The following BATF2 variants were observed in gnomAD, a reference collection of about 807,000 sequenced individuals.
The protein encoded by BATF2 is basic leucine zipper ATF-like transcription factor 2, also known as basic leucine zipper transcriptional factor ATF-like 2.
A neutral mutation model predicts 7.3 loss-of-function variants in BATF2; 4 were observed. The ratio of observed to expected loss-of-function variants is 0.55; its 90% CI spans 0.27 to 1.26. The LOEUF is 1.26. Among genes scored for constraint, BATF2 ranks in the 50% most tolerant of loss-of-function variants. The pLI is 0.11. For synonymous variants in BATF2, 152 were observed against 153.9 expected (o/e 0.99, Z 0.09); for missense variants, 295 against 340.5 (o/e 0.87, Z 1.05).
At chr11:64,995,997 G>A (rs762039928) in intron 1 of BATF2, among the ~76,000 whole-genome samples, 10 of 151,086 alleles carry the variant, frequency 6.6e-5, no homozygotes, top group East Asian at 1.9e-4. Context: ...AGTCTCTGTC[G>A]CCCAGGCTGG....
chr11:64,994,989 C>T (rs1353057643), intron 1 of BATF2, among the ~76,000 whole-genome samples: 1 of 152,174 alleles, frequency 6.6e-6, no homozygotes, highest in African/African-American at 2.4e-5. Flanking sequence ...GCTGGGACTA[C>T]AGGCACCTGC....
Position 64,989,276 on chromosome 11 carries a change from A to G in BATF2, c.678T>C (p.Pro226=). 1.9e-6 allele frequency: 3 copies of G among 1,603,712 alleles called. No homozygotes were observed. Among genetic ancestry groups the G allele is most frequent in the Non-Finnish European group, 2.6e-6 (3 of 1,174,240 alleles). Residue 226 remains proline, a synonymous_variant, in exon 3 of 3, where the codon CCT becomes CCC. Coordinates refer to ENST00000301887, the MANE Select transcript of BATF2 (RefSeq NM_138456.4). The surrounding 1 kb of genome is among the most constrained non-coding windows in gnomAD (Gnocchi z 4.3). ...RGKLGSSPDN[P]SSALGLARLQ... Reference sequence around the variant, plus strand: ...GACGTGCAAGCCCCAGGGCAGAGGAAGGGTTGTCGGGAGAGGACCCCAGCT... The same window carrying G: ...GACGTGCAAGCCCCAGGGCAGAGGAGGGGTTGTCGGGAGAGGACCCCAGCT...
chr11:64,993,657 T>C (rs1038885918), intron 2 of BATF2, among the ~76,000 whole-genome samples: 1 of 152,184 alleles, frequency 6.6e-6, no homozygotes, highest in Non-Finnish European at 1.5e-5. Context: ...CCTGCCCATT[T>C]TAACCCTGAA....
At chr11:64,996,467 G>A (rs1946110900) in intron 1 of BATF2, among the ~76,000 whole-genome samples, 1 of 152,190 alleles carries the variant, frequency 6.6e-6, no homozygotes, top group African/African-American at 2.4e-5. Context: ...ATGTTGGCCA[G>A]GCTGATCTTG....
In BATF2 at chr11:64,989,984, C is replaced by A. The variant is rs1253218245; in HGVS notation, c.142-172G>T. 3 of 1,502,652 alleles carry A rather than the reference C, an allele frequency of 2.0e-6. No individual in the cohort carries two copies. Among genetic ancestry groups the A allele is most frequent in the African/African-American group, 2.8e-5 (2 of 72,030 alleles). 93.1% of individuals were successfully genotyped at this position (1,502,652 alleles called of 1,614,324 possible). ...TGGCCAGCCCTTCATAACCACCTAC[C>A]AAGTCTCCCCTGTCCCACCCTCTGA... On this transcript the variant is annotated intron_variant, in intron 2 of 2. Coordinates refer to ENST00000301887, the MANE Select transcript of BATF2 (RefSeq NM_138456.4). This position sits in a 1 kb window ranked among gnomAD's most constrained non-coding sequence, Gnocchi z 4.3.
chr11:64,989,492 G>A lies in BATF2; in HGVS notation c.462C>T (p.Pro154=), dbSNP rs912451016. 6.2e-7 allele frequency: 1 copy of A among 1,607,962 alleles called. No homozygotes were observed. Among genetic ancestry groups the A allele is most frequent in the Non-Finnish European group, 8.5e-7 (1 of 1,177,184 alleles). ...DSPSLLQCPL[P]SLSLGPAVVA... The stretch of plus-strand genomic sequence containing the variant: ...CCACAGCGGGGCCAAGGGACAGTGA[G>A]GGCAGGGGGCACTGGAGGAGGCTGG... Residue 154 remains proline, a synonymous_variant, in exon 3 of 3, where the codon CCC becomes CCT. Transcript: ENST00000301887. The surrounding 1 kb of genome is among the most constrained non-coding windows in gnomAD (Gnocchi z 4.3).
At chr11:64,991,695 G>A (rs567709427) in intron 2 of BATF2, among the ~76,000 whole-genome samples, 34 of 152,212 alleles carry the variant, frequency 2.2e-4, no homozygotes, top group African/African-American at 8.2e-4. Flanking sequence ...CTTTTTGTTT[G>A]TGGGTCTGGC....
At chr11:64,992,693 T>G (rs1432278032) in intron 2 of BATF2, among the ~76,000 whole-genome samples, 1 of 149,238 alleles carries the variant, frequency 6.7e-6, no homozygotes, top group Non-Finnish European at 1.5e-5. Flanking sequence ...AAACTCTGTC[T>G]CTACAAAAAA....
chr11:64,996,585 T>C (rs1008098292), intron 1 of BATF2, among the ~76,000 whole-genome samples: 4 of 151,940 alleles, frequency 2.6e-5, no homozygotes, highest in African/African-American at 9.7e-5. Context: ...CTGCTGTGAG[T>C]GTAGTGAGGG....
rs574307937 is a variant in BATF2, at chr11:64,990,354, G to A, written c.142-542C>T. 25 of 1,451,008 alleles carry A rather than the reference G, an allele frequency of 1.7e-5. 1 individual carries two copies. The South Asian group carries it at 1.8e-4, about 11-fold the overall frequency. The allele number at this position is 1,451,008 out of a possible 1,614,324, so 89.9% of individuals were successfully genotyped here. A position where few individuals can be genotyped will look rare whatever the true frequency, so the allele number is the denominator to read the frequency against. On this transcript the variant is annotated intron_variant, in intron 2 of 2. Coordinates refer to ENST00000301887, the MANE Select transcript of BATF2 (RefSeq NM_138456.4). Reference sequence around the variant, plus strand: ...GTTTCCTCTGCCTGGACACCCTTCCGCCGCCCTTCTCTGTGCAAATCCCAA... The same window carrying A: ...GTTTCCTCTGCCTGGACACCCTTCCACCGCCCTTCTCTGTGCAAATCCCAA...
chr11:64,996,029 C>G (rs1023427330), intron 1 of BATF2, among the ~76,000 whole-genome samples: 1 of 151,950 alleles, frequency 6.6e-6, no homozygotes, highest in Non-Finnish European at 1.5e-5. Context: ...GTGATCTTGG[C>G]TCACTGCGAC....
chr11:64,988,780 GGGCCA>G lies in BATF2; in HGVS notation c.*344_*348del. 3.4e-6 allele frequency: 1 copy of G among 292,642 alleles called. No individual in the cohort carries two copies. The highest frequency in any genetic ancestry group is 6.6e-6 in the Non-Finnish European group (1 of 152,170). The allele number at this position is 292,642 out of a possible 1,614,324, so 18.1% of individuals were successfully genotyped here. On this transcript the variant is annotated 3_prime_UTR_variant, in exon 3 of 3. Transcript: ENST00000301887. The stretch of plus-strand genomic sequence containing the variant: ...CAGGATTTCAGCCCCTAGGATGCCT[GGGCCA>G]GGACAGGAGAAGGAGGAGCAGAGGG...
Position 64,994,662 on chromosome 11 carries a change from C to T in BATF2, c.40-113G>A. 3.0e-6 allele frequency: 3 copies of T among 995,764 alleles called. No individual in the cohort carries two copies. The South Asian group carries it at 4.3e-5, about 14-fold the overall frequency. 61.7% of individuals were successfully genotyped at this position (995,764 alleles called of 1,614,324 possible). On this transcript the variant is annotated intron_variant, in intron 1 of 2. Coordinates refer to ENST00000301887, the MANE Select transcript of BATF2 (RefSeq NM_138456.4). ...CCCCTTGAGTCAAGTTCCCAAGGGT[C>T]TTTTATCTCCCAGAAGCTCCCTTGG... is the stretch of plus-strand genomic sequence containing the variant.
In BATF2 at chr11:64,990,796, A is replaced by C. The variant is rs80235446; in HGVS notation, c.142-984T>G. 4.5e-3 allele frequency among the ~76,000 whole-genome samples: 687 copies of C among 151,630 alleles called. 6 individuals are homozygous for C. Among genetic ancestry groups the C allele is most frequent in the African/African-American group, 0.016 (656 of 41,322 alleles). ...AATGTGGTTTTGGCCCTGGACTCAA[A>C]GTTCTTTTTTTTGAGATGGAGTCTG... On this transcript the variant is annotated intron_variant, in intron 2 of 2. Coordinates refer to ENST00000301887, the MANE Select transcript of BATF2 (RefSeq NM_138456.4).
chr11:64,995,819 G>A (rs1305840291), intron 1 of BATF2, among the ~76,000 whole-genome samples: 3 of 152,144 alleles, frequency 2.0e-5, no homozygotes, highest in African/African-American at 4.8e-5. Flanking sequence ...TGTCCACAGC[G>A]GGCTCACTGT....
At position 64,989,502 on chromosome 11, in the gene BATF2, C is replaced by T. The variant is rs1449769795; in HGVS notation, c.452G>A (p.Cys151Tyr). 1.2e-6 allele frequency: 2 copies of T among 1,604,804 alleles called. No homozygotes were observed. The highest frequency in any genetic ancestry group is 1.3e-5 in the African/African-American group (1 of 74,760). The stretch of plus-strand genomic sequence containing the variant: ...GCCAAGGGACAGTGAGGGCAGGGGG[C>T]ACTGGAGGAGGCTGGGAGAATCATG... ...QPHDSPSLLQ[C>Y]PLPSLSLGPA... Residue 151 changes from cysteine (C) to tyrosine (Y), a missense_variant, in exon 3 of 3, where the codon TGC (cysteine) becomes TAC (tyrosine). By Grantham distance (194) the Cys-to-Tyr change is radical. Coordinates refer to ENST00000301887, the MANE Select transcript of BATF2 (RefSeq NM_138456.4). This position sits in a 1 kb window ranked among gnomAD's most constrained non-coding sequence, Gnocchi z 4.3.
intron 2 of BATF2, among the ~76,000 whole-genome samples, chr11:64,991,368 G>T (rs1946076220): frequency 6.6e-6 from 1 of 151,526 alleles, no homozygotes; most frequent in African/African-American, 2.4e-5. Context: ...TGTTGGTCAG[G>T]CTGGTCTCGA....
At chr11:64,996,181 G>C (rs553864435) in intron 1 of BATF2, among the ~76,000 whole-genome samples, 1 of 151,756 alleles carries the variant, frequency 6.6e-6, no homozygotes, top group Non-Finnish European at 1.5e-5. Flanking sequence ...GGATGGTCTC[G>C]ATCTCCTGAC....
chr11:64,989,033 C>G lies in BATF2; in HGVS notation c.*96G>C. ...AAATCCTGGGCCAGCTGGTCAGCCA[C>G]GCAGGGCAGCACCCAGTAGTGAGGG... On this transcript the variant is annotated 3_prime_UTR_variant, in exon 3 of 3. Transcript: ENST00000301887. The surrounding 1 kb of genome is among the most constrained non-coding windows in gnomAD (Gnocchi z 4.3). The G allele has an allele frequency of 7.0e-7, 1 of 1,418,520 alleles. No homozygotes were observed. The highest frequency in any genetic ancestry group is 1.2e-5 in the South Asian group (1 of 84,620). 87.9% of individuals were successfully genotyped at this position (1,418,520 alleles called of 1,614,324 possible). A position where few individuals can be genotyped will look rare whatever the true frequency, so the allele number is the denominator to read the frequency against.
Sources: allele counts gnomAD v4.1 joint callset (sites outside exome capture counted in the v4.1 genomes callset), GRCh38; gene constraint gnomAD v4.1.1; non-coding constraint Gnocchi (gnomAD v3.1); transcripts MANE v1.5; gene names NCBI Gene and HGNC (gene_info 2026-07-23, HGNC 2026-07-21).